The following ZNF33B variants were observed in gnomAD, a reference collection of about 807,000 sequenced individuals.
The protein encoded by ZNF33B is zinc finger protein 33B, also known as zinc finger protein 11b (KOX 2).
ZNF33B carries 29 observed loss-of-function variants against 45.8 expected under a neutral mutation model. The observed-to-expected ratio is 0.63, with a 90% CI of 0.47 to 0.86. ZNF33B has a LOEUF of 0.86. ZNF33B is among the 40% of genes least tolerant of loss of function. The pLI, the probability that ZNF33B is intolerant of heterozygous loss-of-function variation, is 0.00. For missense variants in ZNF33B, 831 were observed against 909.9 expected (o/e 0.91, Z 1.12); for synonymous variants, 305 against 307.8 (o/e 0.99, Z 0.10).
chr10:42,637,042 C>T (rs1839337719), intron 1 of ZNF33B, 70 bp from the exon 2 acceptor site: 1 of 1,501,446 alleles, frequency 6.7e-7, no homozygotes, highest in Non-Finnish European at 9.2e-7. Flanking sequence ...ATTCTTCTGC[C>T]CTAAGAAGCC....
intron 4 of ZNF33B, among the ~76,000 whole-genome samples, chr10:42,600,195 GA>G (rs1314889491): frequency 6.6e-6 from 1 of 152,010 alleles, no homozygotes; most frequent in Non-Finnish European, 1.5e-5. Context: ...GTGTGCAGAA[GA>G]ATATTTTATA....
At chr10:42,617,551 T>C (rs1838379801) in intron 4 of ZNF33B, among the ~76,000 whole-genome samples, 4 of 152,216 alleles carry the variant, frequency 2.6e-5, no homozygotes, top group African/African-American at 9.6e-5. Context: ...CAATCAATCT[T>C]ATTCAGATTT....
rs770709247 is a variant in ZNF33B, at chr10:42,583,103, G to A, written c.74-8425C>T. On this transcript the variant is annotated intron_variant, in intron 1 of 1. Coordinates refer to the ZNF33B transcript ENST00000462075. ...GGGTTTAATCCAAGGTCCAGGATCA[G>A]TGCATGAACACCTCAGGGGCCTGGG... is the stretch of plus-strand genomic sequence containing the variant. The A allele has an allele frequency of 3.8e-6, 3 of 794,656 alleles. No individual in the cohort carries two copies. In the Admixed American group the frequency reaches 5.1e-5, roughly 14 times the overall value. 49.2% of individuals were successfully genotyped at this position (794,656 alleles called of 1,614,324 possible).
intron 4 of ZNF33B, among the ~76,000 whole-genome samples, chr10:42,629,056 G>A (rs1489341600): frequency 6.6e-6 from 1 of 152,146 alleles, no homozygotes; most frequent in African/African-American, 2.4e-5. Flanking sequence ...GGAATCAACT[G>A]AAGTGTCCAT....
Position 42,591,161 on chromosome 10 carries a change from G to T in ZNF33B, c.*1452C>A. ...TTCATATTCTCAAAAGTCTCTGAAG[G>T]CCCAGATCCCTGTCTGGGTACAATG... On this transcript the variant is annotated 3_prime_UTR_variant, in exon 5 of 5. Transcript: ENST00000359467. 5.9e-6 allele frequency: 3 copies of T among 511,086 alleles called. No homozygotes were observed. Among genetic ancestry groups the T allele is most frequent in the Non-Finnish European group, 7.6e-6 (3 of 396,940 alleles). 31.7% of individuals were successfully genotyped at this position (511,086 alleles called of 1,614,324 possible).
intron 1 of ZNF33B, among the ~76,000 whole-genome samples, chr10:42,580,893 A>C (rs1036147179): frequency 2.7e-5 from 4 of 150,838 alleles, no homozygotes; most frequent in Non-Finnish European, 5.9e-5. Context: ...GACTGTCTCA[A>C]TAAATAAATA....
At chr10:42,622,995 C>T (rs181909835) in intron 4 of ZNF33B, among the ~76,000 whole-genome samples, 1 of 152,164 alleles carries the variant, frequency 6.6e-6, no homozygotes, top group African/African-American at 2.4e-5. Flanking sequence ...CGGCCGGGTG[C>T]GGTGGCTCAC....
intron 4 of ZNF33B, among the ~76,000 whole-genome samples, chr10:42,598,019 A>C (rs2132053274): frequency 6.6e-6 from 1 of 152,342 alleles, no homozygotes; most frequent in Middle Eastern, 3.4e-3. Context: ...TTCTTTGTTA[A>C]TACTTGATTC....
At chr10:42,616,340 T>C (rs140476661) in intron 4 of ZNF33B, among the ~76,000 whole-genome samples, 67 of 152,334 alleles carry the variant, frequency 4.4e-4, no homozygotes, top group African/African-American at 1.4e-3. Context: ...ATGTGAATTA[T>C]ATCTCATATA....
intron 4 of ZNF33B, among the ~76,000 whole-genome samples, chr10:42,600,555 T>C (rs1837576756): frequency 6.6e-6 from 1 of 152,216 alleles, no homozygotes; most frequent in South Asian, 2.1e-4. Flanking sequence ...CTATTTGTCT[T>C]TGAATCTAAC....
rs1837186101 is a variant in ZNF33B, at chr10:42,592,723, G to A, written c.2227C>T (p.His743Tyr). Residue 743 changes from histidine (H) to tyrosine (Y), a missense_variant, in exon 5 of 5, where the codon CAT becomes TAT. Physicochemically the swap from His to Tyr is moderately conservative, Grantham distance 83. Coordinates refer to ENST00000359467, the MANE Select transcript of ZNF33B (RefSeq NM_006955.3). Reference sequence around the variant, plus strand: ...CATTCATAGGGCTTTTCCCCTGTATGTGATCTCTGATGTTTAGCAAGGTCT... The same window carrying A: ...CATTCATAGGGCTTTTCCCCTGTATATGATCTCTGATGTTTAGCAAGGTCT... The part of the protein sequence containing the change: ...KSDLAKHQRS[H>Y]TGEKPYECNT... The A allele has an allele frequency of 6.2e-7, 1 of 1,613,974 alleles. No homozygotes were observed. The highest frequency in any genetic ancestry group is 1.1e-5 in the South Asian group (1 of 91,090).
intron 4 of ZNF33B, among the ~76,000 whole-genome samples, chr10:42,613,547 CAAA>C (rs200867099): frequency 3.6e-5 from 4 of 110,624 alleles, no homozygotes; most frequent in Non-Finnish European, 3.8e-5. Flanking sequence ...GACTCTCTCT[CAAA>C]AAAAAAAAAA....
chr10:42,607,672 CTGA>C lies in ZNF33B; in HGVS notation c.251-12976_251-12974del, dbSNP rs530325106. Among the ~76,000 whole-genome samples, 685 of 152,204 alleles carry C rather than the reference CTGA, an allele frequency of 4.5e-3. 2 individuals carry two copies. The highest frequency in any genetic ancestry group is 0.016 in the African/African-American group (646 of 41,518). ...CCTTGACTTATGATCAAGTTACATC[CTGA>C]TAATAGTCAAATTAGTTGAAAATAT... On this transcript the variant is annotated intron_variant, in intron 4 of 4. Transcript: ENST00000359467.
chr10:42,630,952 G>A (rs1839020490), intron 4 of ZNF33B, among the ~76,000 whole-genome samples: 1 of 152,060 alleles, frequency 6.6e-6, no homozygotes, highest in African/African-American at 2.4e-5. Context: ...AAACCACCAA[G>A]CACATTCCTG....
intron 1 of ZNF33B, 147 bp from the exon 2 acceptor site, chr10:42,637,119 G>C: frequency 1.4e-6 from 1 of 712,204 alleles, no homozygotes; most frequent in Non-Finnish European, 2.4e-6. Context: ...CTTCGGAATA[G>C]GGGGTAGAAA....
intron 4 of ZNF33B, among the ~76,000 whole-genome samples, chr10:42,614,593 C>T (rs573418046): frequency 6.6e-6 from 1 of 152,244 alleles, no homozygotes; most frequent in East Asian, 1.9e-4. Context: ...TTCTGTAAGT[C>T]ATGAAATAAA....
At chr10:42,601,371 T>G (rs1297334749) in intron 4 of ZNF33B, among the ~76,000 whole-genome samples, 2 of 152,250 alleles carry the variant, frequency 1.3e-5, no homozygotes, top group Admixed American at 1.3e-4. Context: ...AATACTGTTT[T>G]CTGTTCTTTT....
chr10:42,628,170 C>T (rs552635115), intron 4 of ZNF33B, among the ~76,000 whole-genome samples: 13 of 152,328 alleles, frequency 8.5e-5, no homozygotes, highest in Admixed American at 3.3e-4. Context: ...CATGCGCCAC[C>T]ATGCCTGGCT....
chr10:42,597,177 CT>C (rs894951104), intron 4 of ZNF33B, among the ~76,000 whole-genome samples: 2 of 151,942 alleles, frequency 1.3e-5, no homozygotes, highest in East Asian at 1.9e-4. Context: ...ACGGGTTTGA[CT>C]TTTTTTCTCT....
Sources: gnomAD v4.1 joint callset for allele counts (sites outside exome capture counted in the v4.1 genomes callset) on GRCh38, gnomAD v4.1.1 for gene constraint, MANE v1.5 for transcripts, NCBI Gene and HGNC (gene_info 2026-07-23, HGNC 2026-07-21) for gene names.